DLG2: variants seen among roughly 807,000 people sequenced by gnomAD.
The protein encoded by DLG2 is disks large homolog 2.
Under a neutral mutation model 132.5 loss-of-function variants are expected in DLG2, and 45 were observed. The ratio of observed to expected loss-of-function variants is 0.34; its 90% CI spans 0.27 to 0.44. The LOEUF is 0.44. Ranked by LOEUF, DLG2 falls within the 20% of genes least tolerant of loss-of-function variation. The pLI is 1.00. For missense variants in DLG2, 1,045 were observed against 1,196.9 expected (o/e 0.87, Z 1.87); for synonymous variants, 424 against 419.6 (o/e 1.01, Z -0.13).
intron 8 of DLG2, chr11:84,166,698 G>A (rs148390903): frequency 1.2e-4 from 35 of 289,932 alleles, no homozygotes; most frequent in East Asian, 1.2e-3. Flanking sequence ...GAAACACTGA[G>A]AGGTATCTAC....
In DLG2 at chr11:83,928,722, G is replaced by A. The variant is rs151276831; in HGVS notation, c.1496+1606C>T. Among the ~76,000 whole-genome samples the A allele has an allele frequency of 1.9e-3, 286 of 152,112 alleles. 2 individuals are homozygous for A. The East Asian group carries it at 0.027, about 14-fold the overall frequency. Reference sequence around the variant, plus strand: ...CAAGTCAGGCAACTTATCAAGTCTCGATTTTCTCATTTGTAAAACAAAGAT... The same window carrying A: ...CAAGTCAGGCAACTTATCAAGTCTCAATTTTCTCATTTGTAAAACAAAGAT... On this transcript the variant is annotated intron_variant, in intron 15 of 27. Coordinates refer to ENST00000376104, the MANE Select transcript of DLG2 (RefSeq NM_001142699.3).
intron 3 of DLG2, among the ~76,000 whole-genome samples, chr11:85,582,368 T>C (rs1209125336): frequency 6.6e-6 from 1 of 151,860 alleles, no homozygotes; most frequent in Non-Finnish European, 1.5e-5. Context: ...CTATGAACAA[T>C]AGTAAGATAT....
At chr11:83,683,165 C>A (rs1321318874) in intron 18 of DLG2, among the ~76,000 whole-genome samples, 2 of 152,186 alleles carry the variant, frequency 1.3e-5, no homozygotes, top group Non-Finnish European at 2.9e-5. Context: ...CATCGAATAA[C>A]AGCACTGGAA....
intron 8 of DLG2, among the ~76,000 whole-genome samples, chr11:84,220,859 G>A (rs1219481287): frequency 7.4e-4 from 3 of 4,078 alleles, no homozygotes; most frequent in East Asian, 6.2e-3. Context: ...ACAGCTCAGC[G>A]CAGTTTTCAC....
At chr11:84,097,031 G>A (rs2097174321) in intron 10 of DLG2, among the ~76,000 whole-genome samples, 2 of 152,148 alleles carry the variant, frequency 1.3e-5, no homozygotes, top group Non-Finnish European at 2.9e-5. Context: ...CAGCAAAGTA[G>A]CTTATATGCT....
chr11:83,533,147 C>G (rs1304607004), intron 20 of DLG2, among the ~76,000 whole-genome samples: 1 of 151,912 alleles, frequency 6.6e-6, no homozygotes, highest in Admixed American at 6.6e-5. Context: ...GTTTCTCCTC[C>G]CCTCTCCTCT....
rs868707422 is a variant in DLG2, at chr11:85,221,142, A to C, written c.186+64078T>G. ...ACTGCAAGCTCTGCCCCCTGGGTTCATGCCATTCTCCTGACTCAGCCTCTC... is the reference window on the plus strand; with the variant it reads ...ACTGCAAGCTCTGCCCCCTGGGTTCCTGCCATTCTCCTGACTCAGCCTCTC... On this transcript the variant is annotated intron_variant, in intron 4 of 27. Coordinates refer to ENST00000376104, the MANE Select transcript of DLG2 (RefSeq NM_001142699.3). Among the ~76,000 whole-genome samples the C allele has an allele frequency of 3.3e-5, 5 of 151,516 alleles. No homozygotes were observed. In the South Asian group the frequency reaches 1.0e-3, roughly 32 times the overall value.
At chr11:83,750,189 T>C (rs923464470) in intron 18 of DLG2, among the ~76,000 whole-genome samples, 1 of 152,218 alleles carries the variant, frequency 6.6e-6, no homozygotes, top group Non-Finnish European at 1.5e-5. Flanking sequence ...TCACTGGCCC[T>C]AGGATTTAAG....
intron 6 of DLG2, among the ~76,000 whole-genome samples, chr11:84,581,694 A>T (rs1290934567): frequency 1.3e-5 from 2 of 151,982 alleles, no homozygotes; most frequent in African/African-American, 4.8e-5. Context: ...GGATCACAAG[A>T]TCAAGAGATC....
rs1419500397 is a variant in DLG2 at position 85,487,544 on chromosome 11, AAAGTTTTAAAAATAGACTAGAGC to A, written c.40+111090_40+111112del. Among the ~76,000 whole-genome samples, 53 of 152,096 alleles carry A rather than the reference AAAGTTTTAAAAATAGACTAGAGC, an allele frequency of 3.5e-4. No homozygotes were observed. The Middle Eastern group carries it at 0.01, about 29-fold the overall frequency. On this transcript the variant is annotated intron_variant, in intron 3 of 27. Transcript: ENST00000376104. Reference sequence around the variant, plus strand: ...TTGGAGAAAATACAAAATAAACTCAAAAGTTTTAAAAATAGACTAGAGCAAGCAGAAGAAACAATTTCATAACT... The same window carrying A: ...TTGGAGAAAATACAAAATAAACTCAAAAGCAGAAGAAACAATTTCATAACT...
intron 3 of DLG2, among the ~76,000 whole-genome samples, chr11:85,390,951 T>C (rs1029949988): frequency 2.0e-5 from 3 of 151,784 alleles, no homozygotes; most frequent in Non-Finnish European, 1.5e-5. Context: ...AGAGCAGAAC[T>C]AAATGAAATT....
intron 8 of DLG2, among the ~76,000 whole-genome samples, chr11:84,221,300 C>T (rs2096913025): frequency 6.6e-6 from 1 of 151,876 alleles, no homozygotes; most frequent in Admixed American, 6.6e-5. Context: ...CCCATCTATA[C>T]TAAAAATACA....
At chr11:85,613,574 G>A (rs2081148114) in intron 2 of DLG2, among the ~76,000 whole-genome samples, 1 of 152,150 alleles carries the variant, frequency 6.6e-6, no homozygotes. Context: ...TCTAGCTAAA[G>A]GATTGTAAAT....
chr11:84,848,220 G>A (rs560362823), intron 6 of DLG2, among the ~76,000 whole-genome samples: 2 of 152,124 alleles, frequency 1.3e-5, no homozygotes, highest in African/African-American at 2.4e-5. Context: ...ACGGCCTGGT[G>A]TGGTGGCTCA....
At chr11:84,326,924 T>G (rs1286912020) in intron 7 of DLG2, among the ~76,000 whole-genome samples, 4 of 152,104 alleles carry the variant, frequency 2.6e-5, no homozygotes, top group Non-Finnish European at 5.9e-5. Context: ...TATTTAACAC[T>G]GTTATATTTT....
intron 7 of DLG2, among the ~76,000 whole-genome samples, chr11:84,339,811 C>T (rs2098505854): frequency 6.6e-6 from 1 of 152,112 alleles, no homozygotes; most frequent in Non-Finnish European, 1.5e-5. Context: ...ACTTCTTAGA[C>T]CTGAAGATTA....
intron 6 of DLG2, among the ~76,000 whole-genome samples, chr11:84,594,499 A>G (rs2099551621): frequency 6.6e-6 from 1 of 152,242 alleles, no homozygotes; most frequent in African/African-American, 2.4e-5. Flanking sequence ...AGGAAGAAAA[A>G]GAAGAATATG....
At chr11:83,994,582 G>C (rs771086943) in intron 11 of DLG2, among the ~76,000 whole-genome samples, 1 of 151,978 alleles carries the variant, frequency 6.6e-6, no homozygotes, top group Non-Finnish European at 1.5e-5. Context: ...AAAAATCACT[G>C]GATCTTTTTT....
intron 7 of DLG2, among the ~76,000 whole-genome samples, chr11:84,487,162 T>C (rs1357551134): frequency 1.3e-5 from 2 of 152,102 alleles, no homozygotes; most frequent in Admixed American, 6.6e-5. Context: ...AATCAACAAT[T>C]ATTAGTCTTT....
Sources: allele counts gnomAD v4.1 joint callset (sites outside exome capture counted in the v4.1 genomes callset), GRCh38; gene constraint gnomAD v4.1.1; transcripts MANE v1.5; gene names NCBI Gene and HGNC (gene_info 2026-07-23, HGNC 2026-07-21).